Variants in ZFHX3 observed in about 807,000 individuals in gnomAD.
The protein encoded by ZFHX3 is zinc finger homeobox protein 3.
Under a neutral mutation model 279.1 loss-of-function variants are expected in ZFHX3, and 42 were observed. The observed-to-expected ratio is 0.15, with a 90% CI of 0.12 to 0.19. The LOEUF is 0.19. Ranked by LOEUF, ZFHX3 falls within the 10% of genes least tolerant of loss-of-function variation. The pLI is 1.00. For synonymous variants in ZFHX3, 2,293 were observed against 1,957.8 expected (o/e 1.17, Z -4.52); for missense variants, 4,981 against 4,754.0 (o/e 1.05, Z -1.40).
chr16:73,121,415 A>T (rs1597164258), intron 7 of ZFHX3, among the ~76,000 whole-genome samples: 1 of 152,276 alleles, frequency 6.6e-6, no homozygotes, highest in African/African-American at 2.4e-5. Flanking sequence ...TTTTTAAAAT[A>T]TGGCTACTGG....
At chr16:73,084,697 T>C (rs1158222644) in intron 8 of ZFHX3, among the ~76,000 whole-genome samples, 1 of 152,060 alleles carries the variant, frequency 6.6e-6, no homozygotes, top group Non-Finnish European at 1.5e-5. Flanking sequence ...TTGTTTTGTA[T>C]TTTTAGTAGA....
intron 2 of ZFHX3, among the ~76,000 whole-genome samples, chr16:73,483,670 A>C (rs1330809685): frequency 6.6e-6 from 1 of 152,142 alleles, no homozygotes; most frequent in Non-Finnish European, 1.5e-5. Flanking sequence ...GAGAGGGGCC[A>C]AGCAGCTGTT....
chr16:73,199,921 T>A (rs540774239), intron 5 of ZFHX3, among the ~76,000 whole-genome samples: 62 of 152,314 alleles, frequency 4.1e-4, no homozygotes, highest in African/African-American at 1.5e-3. Flanking sequence ...AAAGAAAGCC[T>A]ATGAAGTAAC....
chr16:73,750,256 TA>T (rs1158942660), intron 1 of ZFHX3, among the ~76,000 whole-genome samples: 1 of 152,168 alleles, frequency 6.6e-6, no homozygotes, highest in Non-Finnish European at 1.5e-5. Flanking sequence ...AAACAGATCC[TA>T]AACCAAGCTC....
At chr16:73,519,472 C>T (rs947354060) in intron 2 of ZFHX3, among the ~76,000 whole-genome samples, 14 of 152,072 alleles carry the variant, frequency 9.2e-5, no homozygotes, top group African/African-American at 2.4e-4. Flanking sequence ...ACCTTGGGCC[C>T]GTGATTCATT....
At chr16:73,861,452 A>G (rs1418040220) in intron 1 of ZFHX3, among the ~76,000 whole-genome samples, 2 of 152,202 alleles carry the variant, frequency 1.3e-5, no homozygotes, top group East Asian at 3.9e-4. Flanking sequence ...ATTTCCGTGT[A>G]CAAATAATCT....
rs75056513 is a variant in ZFHX3, at chr16:73,867,132, G to A, written c.-1608+24519C>T. Reference sequence around the variant, plus strand: ...ACCTCAACTACAGGTGAACTGAGACGGGGGCCAGAGGGCTTTGGGATGAGG... The same window carrying A: ...ACCTCAACTACAGGTGAACTGAGACAGGGGCCAGAGGGCTTTGGGATGAGG... On this transcript the variant is annotated intron_variant, in intron 1 of 17. Transcript: ENST00000641206. 3.9e-3 allele frequency among the ~76,000 whole-genome samples: 598 copies of A among 152,184 alleles called. 12 individuals are homozygous for A. In the East Asian group the frequency reaches 0.067, roughly 17 times the overall value.
chr16:73,544,350 C>T (rs2020073644), intron 2 of ZFHX3, among the ~76,000 whole-genome samples: 1 of 152,158 alleles, frequency 6.6e-6, no homozygotes, highest in Admixed American at 6.5e-5. Flanking sequence ...GGGGCCCTCC[C>T]CGCTTAGGGT....
chr16:73,832,484 T>C (rs1045918776), intron 1 of ZFHX3, among the ~76,000 whole-genome samples: 2 of 152,210 alleles, frequency 1.3e-5, no homozygotes, highest in Non-Finnish European at 2.9e-5. Flanking sequence ...AAACATCCCT[T>C]GATAACTAAC....
At chr16:73,161,892 A>G (rs1967243924) in intron 5 of ZFHX3, among the ~76,000 whole-genome samples, 1 of 152,210 alleles carries the variant, frequency 6.6e-6, no homozygotes, top group East Asian at 1.9e-4. Flanking sequence ...GTGACTTTCA[A>G]CTGAGAAGAA....
intron 2 of ZFHX3, among the ~76,000 whole-genome samples, chr16:73,459,260 T>C (rs1477125437): frequency 6.6e-6 from 1 of 152,246 alleles, no homozygotes; most frequent in African/African-American, 2.4e-5. Context: ...TAAATGTATA[T>C]GTATCATTTG....
At chr16:73,235,602 G>A (rs1323285393) in intron 5 of ZFHX3, among the ~76,000 whole-genome samples, 1 of 152,160 alleles carries the variant, frequency 6.6e-6, no homozygotes, top group Admixed American at 6.5e-5. Flanking sequence ...AATAAAAGTT[G>A]TGCCATGTGT....
intron 1 of ZFHX3, among the ~76,000 whole-genome samples, chr16:73,863,768 G>A (rs114396804): frequency 1.3e-5 from 2 of 152,132 alleles, no homozygotes; most frequent in Non-Finnish European, 2.9e-5. Context: ...GAAGTGTATT[G>A]TATATCATAT....
intron 4 of ZFHX3, among the ~76,000 whole-genome samples, chr16:73,300,219 C>T (rs994162674): frequency 3.5e-4 from 52 of 149,160 alleles, no homozygotes; most frequent in African/African-American, 1.3e-3. Flanking sequence ...ACCTAGAATG[C>T]CCCACTGCAC....
At chr16:73,284,468 A>G (rs1393869138) in intron 4 of ZFHX3, among the ~76,000 whole-genome samples, 1 of 152,118 alleles carries the variant, frequency 6.6e-6, no homozygotes, top group Non-Finnish European at 1.5e-5. Context: ...TATAAACTAA[A>G]ACACTAAAAT....
At chr16:72,989,420 T>G (rs1187428436) in intron 1 of ZFHX3, among the ~76,000 whole-genome samples, 2 of 151,012 alleles carry the variant, frequency 1.3e-5, no homozygotes, top group African/African-American at 4.9e-5. Flanking sequence ...AGGTGGAAGT[T>G]GCAGTGGGCC....
intron 1 of ZFHX3, among the ~76,000 whole-genome samples, chr16:73,869,191 G>T (rs1962103994): frequency 6.6e-6 from 1 of 152,166 alleles, no homozygotes; most frequent in East Asian, 1.9e-4. Flanking sequence ...ACAGTTGGTC[G>T]CAGAGCTGCA....
At chr16:73,152,869 C>T (rs1010600563) in intron 5 of ZFHX3, among the ~76,000 whole-genome samples, 12 of 151,732 alleles carry the variant, frequency 7.9e-5, no homozygotes, top group Non-Finnish European at 1.6e-4. Context: ...CCAGCTGAGC[C>T]GGGTAATCAA....
intron 1 of ZFHX3, among the ~76,000 whole-genome samples, chr16:73,760,529 A>T (rs931242286): frequency 6.6e-5 from 10 of 152,334 alleles, no homozygotes; most frequent in African/African-American, 2.2e-4. Context: ...ACCTGACAAA[A>T]AAAGAAAACT....
Sources: gnomAD v4.1 joint callset for allele counts (sites outside exome capture counted in the v4.1 genomes callset) on GRCh38, gnomAD v4.1.1 for gene constraint, MANE v1.5 for transcripts, NCBI Gene and HGNC (gene_info 2026-07-23, HGNC 2026-07-21) for gene names.